NRG3: variants seen among roughly 807,000 people sequenced by gnomAD.
The protein encoded by NRG3 is neuregulin 3.
Under a neutral mutation model 66.9 loss-of-function variants are expected in NRG3, and 31 were observed. That is an observed-to-expected ratio of 0.46 (90% CI 0.35 to 0.63). NRG3 has a LOEUF of 0.63. Ranked by LOEUF, NRG3 falls within the 20% of genes least tolerant of loss-of-function variation. The pLI is 0.00. For synonymous variants in NRG3, 393 were observed against 359.4 expected (o/e 1.09, Z -1.06); for missense variants, 910 against 878.9 (o/e 1.04, Z -0.45).
intron 1 of NRG3, among the ~76,000 whole-genome samples, chr10:82,062,858 T>A (rs1330514952): frequency 6.6e-6 from 1 of 152,144 alleles, no homozygotes; most frequent in Non-Finnish European, 1.5e-5. Flanking sequence ...TTGCTGTGTA[T>A]TCAGAGCATA....
intron 1 of NRG3, among the ~76,000 whole-genome samples, chr10:82,173,880 C>A (rs1032916340): frequency 6.6e-6 from 1 of 152,124 alleles, no homozygotes; most frequent in Non-Finnish European, 1.5e-5. Flanking sequence ...TCATTTTGTA[C>A]TGAGACCTTT....
At chr10:82,946,211 T>TAA (rs201328836) in intron 4 of NRG3, among the ~76,000 whole-genome samples, 18 of 129,138 alleles carry the variant, frequency 1.4e-4, no homozygotes, top group Non-Finnish European at 1.3e-4. Context: ...ATTTGAGATT[T>TAA]AAAAAAAAAA....
intron 1 of NRG3, among the ~76,000 whole-genome samples, chr10:82,314,047 A>T (rs1205263361): frequency 6.6e-6 from 1 of 152,222 alleles, no homozygotes; most frequent in East Asian, 1.9e-4. Context: ...TTGACTTCTC[A>T]TTTAGTTCAT....
chr10:82,087,662 A>G (rs188038860), intron 1 of NRG3, among the ~76,000 whole-genome samples: 123 of 152,278 alleles, frequency 8.1e-4, no homozygotes, highest in Middle Eastern at 3.4e-3. Context: ...ACAAAACATT[A>G]CAGCTGAATT....
At chr10:82,223,487 C>G (rs994683356) in intron 1 of NRG3, among the ~76,000 whole-genome samples, 6 of 152,142 alleles carry the variant, frequency 3.9e-5, no homozygotes, top group African/African-American at 1.4e-4. Context: ...ACCTTGGCCG[C>G]TTTTCCCCCT....
intron 1 of NRG3, among the ~76,000 whole-genome samples, chr10:82,084,792 T>C (rs2065623437): frequency 6.6e-6 from 1 of 152,090 alleles, no homozygotes; most frequent in Non-Finnish European, 1.5e-5. Flanking sequence ...TATGGTTGTA[T>C]CTCTGCAAGA....
At chr10:82,675,666 T>A (rs2053632768) in intron 2 of NRG3, among the ~76,000 whole-genome samples, 1 of 152,186 alleles carries the variant, frequency 6.6e-6, no homozygotes, top group African/African-American at 2.4e-5. Flanking sequence ...AAGGCTGTTA[T>A]CATTTAACCT....
intron 1 of NRG3, among the ~76,000 whole-genome samples, chr10:82,312,490 C>T (rs2081079996): frequency 6.6e-6 from 1 of 152,202 alleles, no homozygotes; most frequent in African/African-American, 2.4e-5. Flanking sequence ...TTACCTGTAT[C>T]TTCTACCTCA....
intron 1 of NRG3, among the ~76,000 whole-genome samples, chr10:81,934,047 T>A (rs575280861): frequency 1.3e-5 from 2 of 152,326 alleles, no homozygotes. Flanking sequence ...ATAATTTATT[T>A]CATGAGCTTT....
At chr10:82,491,204 T>C (rs1843062444) in intron 2 of NRG3, among the ~76,000 whole-genome samples, 1 of 148,300 alleles carries the variant, frequency 6.7e-6, no homozygotes, top group Non-Finnish European at 1.5e-5. Context: ...TTTTACACTC[T>C]CAGTAATCCC....
At chr10:82,634,711 G>C (rs563610050) in intron 2 of NRG3, among the ~76,000 whole-genome samples, 1 of 152,192 alleles carries the variant, frequency 6.6e-6, no homozygotes, top group Non-Finnish European at 1.5e-5. Flanking sequence ...TTTGGGGAAA[G>C]TGTAAGGAAC....
intron 4 of NRG3, among the ~76,000 whole-genome samples, chr10:82,891,610 G>A (rs1272350884): frequency 6.6e-6 from 1 of 151,456 alleles, no homozygotes; most frequent in African/African-American, 2.4e-5. Context: ...AAATTCAGTT[G>A]GTTTTTATAT....
At chr10:82,980,885 T>A (rs1422640551) in intron 8 of NRG3, among the ~76,000 whole-genome samples, 1 of 152,226 alleles carries the variant, frequency 6.6e-6, no homozygotes, top group Non-Finnish European at 1.5e-5. Flanking sequence ...TTATAATTGA[T>A]CATGTTTCAT....
At position 82,959,013 on chromosome 10, in the gene NRG3, A is replaced by G. The variant is rs1564666814; in HGVS notation, c.1222A>G (p.Lys408Glu). The stretch of plus-strand genomic sequence containing the variant: ...ACAAAATGGTAAAAGCTACAGTCTC[A>G]AAGCATCCAGCACAATGGCAAAGTC... ...VPQNGKSYSL[K>E]ASSTMAKSEN... is the part of the protein sequence containing the mutation. The change falls in exon 6 of 9, where the codon AAA becomes GAA. Residue 408 changes from lysine (K) to glutamate (E), a missense_variant. Transcript: ENST00000372141. 1 of 1,608,754 alleles carries G rather than the reference A, an allele frequency of 6.2e-7. No individual in the cohort carries two copies. Among genetic ancestry groups the G allele is most frequent in the Admixed American group, 1.7e-5 (1 of 58,386 alleles).
chr10:82,963,597 G>T (rs558388947), intron 6 of NRG3, among the ~76,000 whole-genome samples: 7 of 152,066 alleles, frequency 4.6e-5, no homozygotes, highest in African/African-American at 1.7e-4. Flanking sequence ...GGAGAATTAC[G>T]TGAACCCAGG....
intron 1 of NRG3, among the ~76,000 whole-genome samples, chr10:82,023,722 A>AT (rs34868520): frequency 1.3e-4 from 20 of 151,670 alleles, no homozygotes; most frequent in Non-Finnish European, 2.8e-4. Context: ...TGGCAAGTCA[A>AT]TTTTTTTAAC....
intron 2 of NRG3, among the ~76,000 whole-genome samples, chr10:82,462,394 A>C (rs1198133021): frequency 6.6e-6 from 1 of 151,228 alleles, no homozygotes; most frequent in African/African-American, 2.5e-5. Context: ...ATACATATAC[A>C]CATATATATA....
chr10:82,095,164 T>C (rs1003126214), intron 1 of NRG3, among the ~76,000 whole-genome samples: 4 of 152,174 alleles, frequency 2.6e-5, no homozygotes, highest in Non-Finnish European at 4.4e-5. Context: ...ACCTTAAGGA[T>C]GCCCAAGCTG....
At chr10:82,190,140 A>G (rs2074053676) in intron 1 of NRG3, among the ~76,000 whole-genome samples, 1 of 152,168 alleles carries the variant, frequency 6.6e-6, no homozygotes, top group Non-Finnish European at 1.5e-5. Flanking sequence ...AATTACTTTT[A>G]TAGTGAAAAG....
Sources: allele counts gnomAD v4.1 joint callset (sites outside exome capture counted in the v4.1 genomes callset), GRCh38; gene constraint gnomAD v4.1.1; transcripts MANE v1.5; gene names NCBI Gene and HGNC (gene_info 2026-07-23, HGNC 2026-07-21).